The following CPEB1 variants were observed in gnomAD, a reference collection of about 807,000 sequenced individuals.
CPEB1 encodes cytoplasmic polyadenylation element-binding protein 1.
Under a neutral mutation model 65.8 loss-of-function variants are expected in CPEB1, and 7 were observed. The observed-to-expected ratio is 0.11, with a 90% confidence interval of 0.06 to 0.20. The LOEUF is 0.20. CPEB1 is among the 10% of genes least tolerant of loss of function. The pLI is 1.00. For missense variants in CPEB1, 551 were observed against 712.2 expected (o/e 0.77, Z 2.58); for synonymous variants, 262 against 260.0 (o/e 1.01, Z -0.08).
intron 3 of CPEB1, among the ~76,000 whole-genome samples, chr15:82,574,220 T>C (rs1409819399): frequency 6.6e-6 from 1 of 152,188 alleles, no homozygotes; most frequent in Non-Finnish European, 1.5e-5. Context: ...TTCACTACCA[T>C]TGTAGGATTT....
At chr15:82,554,612 G>T (rs772297474) in intron 6 of CPEB1, among the ~76,000 whole-genome samples, 2 of 152,168 alleles carry the variant, frequency 1.3e-5, no homozygotes, top group South Asian at 4.1e-4. Context: ...GTAACGTAAT[G>T]AATCAGTCTT....
intron 3 of CPEB1, among the ~76,000 whole-genome samples, chr15:82,586,526 C>T (rs2041818438): frequency 1.3e-5 from 2 of 152,188 alleles, no homozygotes; most frequent in African/African-American, 4.8e-5. Flanking sequence ...AATTTGATCT[C>T]TCCTTCTCTG....
At chr15:82,633,746 A>G (rs1212867566) in intron 1 of CPEB1, among the ~76,000 whole-genome samples, 1 of 152,244 alleles carries the variant, frequency 6.6e-6, no homozygotes, top group Non-Finnish European at 1.5e-5. Flanking sequence ...TCCTATCATG[A>G]AACTGTTTTC....
chr15:82,611,386 A>C (rs1333767748), intron 3 of CPEB1, among the ~76,000 whole-genome samples: 1 of 152,174 alleles, frequency 6.6e-6, no homozygotes, highest in Non-Finnish European at 1.5e-5. Context: ...GACACTGAAA[A>C]CTGTAAGAAA....
At chr15:82,566,917 G>C (rs1468411242) in intron 4 of CPEB1, among the ~76,000 whole-genome samples, 1 of 152,068 alleles carries the variant, frequency 6.6e-6, no homozygotes, top group Non-Finnish European at 1.5e-5. Context: ...TGAAGAATCT[G>C]TCCATCCAGC....
intron 10 of CPEB1, 129 bp from the exon 11 acceptor site, chr15:82,547,366 T>G: frequency 1.7e-6 from 1 of 578,122 alleles, no homozygotes; most frequent in South Asian, 2.2e-5. Context: ...GCGCAATCTC[T>G]GCTCACTGCA....
intron 3 of CPEB1, among the ~76,000 whole-genome samples, chr15:82,585,967 G>GAA (rs1296533981): frequency 7.0e-6 from 1 of 143,236 alleles, no homozygotes; most frequent in African/African-American, 2.5e-5. Context: ...TATAAGTGAA[G>GAA]AAAAAAAAAA....
chr15:82,564,029 C>A (rs2151010738), intron 4 of CPEB1, among the ~76,000 whole-genome samples: 1 of 152,126 alleles, frequency 6.6e-6, no homozygotes, highest in Admixed American at 6.5e-5. Context: ...TTTAAAGTCT[C>A]AAAAAAATCT....
upstream of CPEB1, chr15:82,647,703 ACGCCCGCGGGCACGTGACCG>A (rs2047695983): frequency 1.8e-6 from 1 of 557,818 alleles, no homozygotes. Flanking sequence ...ACGAGGCCCC[ACGCCCGCGGGCACGTGACCG>A]CGCCCCGCCC....
At chr15:82,614,877 G>GTA (rs758198258) in intron 3 of CPEB1, among the ~76,000 whole-genome samples, 5,645 of 126,652 alleles carry the variant, frequency 0.045, 168 homozygotes, top group Admixed American at 0.056. Context: ...GTGTGTGTGT[G>GTA]TGTATATATA....
intron 5 of CPEB1, 82 bp downstream of exon 5, chr15:82,557,678 C>T (rs1052298616): frequency 7.6e-6 from 9 of 1,179,108 alleles, no homozygotes; most frequent in Middle Eastern, 2.7e-4. Context: ...ACAGGCATCC[C>T]ATAGATATTG....
chr15:82,645,930 C>G (rs1020192997), intron 1 of CPEB1, among the ~76,000 whole-genome samples: 4 of 152,076 alleles, frequency 2.6e-5, no homozygotes, highest in African/African-American at 7.2e-5. Flanking sequence ...CAGCAACGTG[C>G]TCTGGGAATA....
At chr15:82,576,793 C>G (rs1219706013) in intron 3 of CPEB1, among the ~76,000 whole-genome samples, 1 of 152,128 alleles carries the variant, frequency 6.6e-6, no homozygotes. Context: ...GAGGCCAACG[C>G]AGGTGGATAG....
intron 3 of CPEB1, among the ~76,000 whole-genome samples, chr15:82,579,386 G>A (rs915196278): frequency 6.6e-6 from 1 of 152,036 alleles, no homozygotes; most frequent in Admixed American, 6.6e-5. Flanking sequence ...CCATGATTGC[G>A]CCACTGCACT....
At chr15:82,627,542 C>T (rs2045876334) in intron 2 of CPEB1, among the ~76,000 whole-genome samples, 175 bp from the exon 3 acceptor site, 2 of 151,858 alleles carry the variant, frequency 1.3e-5, no homozygotes, top group Admixed American at 6.6e-5. Flanking sequence ...AAAAAAATAC[C>T]AAAATATTCT....
intron 3 of CPEB1, among the ~76,000 whole-genome samples, chr15:82,619,813 C>T (rs578214263): frequency 2.0e-5 from 3 of 152,220 alleles, no homozygotes; most frequent in South Asian, 4.2e-4. Flanking sequence ...CCCAAACCAT[C>T]GTACACCACT....
At chr15:82,589,608 G>A (rs541881481) in intron 3 of CPEB1, among the ~76,000 whole-genome samples, 214 of 152,038 alleles carry the variant, frequency 1.4e-3, no homozygotes, top group African/African-American at 4.8e-3. Flanking sequence ...ACCAGACATA[G>A]TGGCACATGC....
At chr15:82,610,091 A>G (rs2043987369) in intron 3 of CPEB1, among the ~76,000 whole-genome samples, 1 of 151,882 alleles carries the variant, frequency 6.6e-6, no homozygotes, top group South Asian at 2.1e-4. Flanking sequence ...ACTATGAATA[A>G]TTATATGCCT....
At chr15:82,571,725 T>G in intron 3 of CPEB1, 193 bp from the exon 4 acceptor site, 1 of 1,422,572 alleles carries the variant, frequency 7.0e-7, no homozygotes, top group Non-Finnish European at 9.1e-7. Context: ...ACAGGCCCCC[T>G]CCCCTCACAC....
Sources: gnomAD v4.1 joint callset for allele counts (sites outside exome capture counted in the v4.1 genomes callset) on GRCh38, gnomAD v4.1.1 for gene constraint, MANE v1.5 for transcripts, NCBI Gene and HGNC (gene_info 2026-07-23, HGNC 2026-07-21) for gene names.